Variants in GDF1 observed in about 807,000 individuals in gnomAD.
GDF1 encodes the protein growth differentiation factor 1.
GDF1 carries 8 observed loss-of-function variants against 7.4 expected under a neutral mutation model. The ratio of observed to expected loss-of-function variants is 1.09; its 90% CI spans 0.64 to 1.96. The LOEUF is 1.96. Ranked by LOEUF, GDF1 falls within the 30% of genes most tolerant of loss-of-function variation. The pLI is 0.00. For missense variants in GDF1, 574 were observed against 551.5 expected (o/e 1.04, Z -0.41); for synonymous variants, 311 against 276.7 (o/e 1.12, Z -1.23).
rs2056110764 is a variant in GDF1, at chr19:18,878,638, C to G, written c.-313+292G>C. ...ACCCACAGGGCCCTGGCTCGCCACT[C>G]CCGCCACACCAGCCACTAGGCCTGG... On this transcript the variant is annotated intron_variant, in intron 6 of 7. Coordinates refer to ENST00000247005, the MANE Select transcript of GDF1 (RefSeq NM_001492.6). The surrounding 1 kb of genome is among the most constrained non-coding windows in gnomAD (Gnocchi z 4.6). 2.4e-6 allele frequency: 3 copies of G among 1,226,754 alleles called. No homozygotes were observed. The highest frequency in any genetic ancestry group is 1.0e-6 in the Non-Finnish European group (1 of 972,958). 76.0% of individuals were successfully genotyped at this position (1,226,754 alleles called of 1,614,324 possible).
intron 6 of GDF1, among the ~76,000 whole-genome samples, chr19:18,873,575 T>C (rs573210105): frequency 1.3e-5 from 2 of 151,928 alleles, no homozygotes; most frequent in South Asian, 4.2e-4. Flanking sequence ...TGGTGGCTGA[T>C]ACCTGTAATC....
intron 6 of GDF1, among the ~76,000 whole-genome samples, chr19:18,871,548 G>A (rs755120574): frequency 1.1e-4 from 16 of 152,094 alleles, no homozygotes; most frequent in Non-Finnish European, 2.2e-4. Flanking sequence ...ATTGTTTGTT[G>A]AGATGAGGTC....
In GDF1 at chr19:18,869,246, G is replaced by C. The variant is rs1375718300; in HGVS notation, c.470C>G (p.Ala157Gly). The C allele has an allele frequency of 1.5e-6, 2 of 1,357,424 alleles. No individual in the cohort carries two copies. The highest frequency in any genetic ancestry group is 1.9e-6 in the Non-Finnish European group (2 of 1,056,190). The allele number at this position is 1,357,424 out of a possible 1,614,324, so 84.1% of individuals were successfully genotyped here. A position where few individuals can be genotyped will look rare whatever the true frequency, so the allele number is the denominator to read the frequency against. ...LELRFAAAAA[A>G]APEGGWELSV... ...CAGCTCCCAGCCGCCCTCCGGGGCT[G>C]CCGCCGCCGCCGCCGCGAAACGCAG... The change falls in exon 8 of 8, where the codon GCA becomes GGA. Residue 157 changes from alanine (A) to glycine (G), a missense_variant. Ala to Gly is a moderately conservative substitution (Grantham distance 60, BLOSUM62 0). Transcript: ENST00000247005.
At chr19:18,875,668 C>T (rs770044646) in intron 6 of GDF1, among the ~76,000 whole-genome samples, 6 of 152,124 alleles carry the variant, frequency 3.9e-5, no homozygotes, top group Non-Finnish European at 7.3e-5. Flanking sequence ...TTTGTGGCCA[C>T]GTTCCTTAAT....
Position 18,870,028 on chromosome 19 carries a change from C to G in GDF1, c.280G>C (p.Glu94Gln). 1 of 1,597,372 alleles carries G rather than the reference C, an allele frequency of 6.3e-7. No homozygotes were observed. Among genetic ancestry groups the G allele is most frequent in the Non-Finnish European group, 8.5e-7 (1 of 1,174,434 alleles). ...ACGATGTTTCCGGCGACCCCCAGCT[C>G]CTCCACGTGGCACGGTTGCAGGGTG... ...GVTLQPCHVE[E>Q]LGVAGNIVRH... Residue 94 changes from glutamate (E) to glutamine (Q), a missense_variant, in exon 7 of 8, where the codon GAG becomes CAG. By Grantham distance (29) the Glu-to-Gln change is conservative. Transcript: ENST00000247005. This position sits in a 1 kb window ranked among gnomAD's most constrained non-coding sequence, Gnocchi z 5.1.
chr19:18,880,691 G>A (rs918271018), intron 3 of GDF1, among the ~76,000 whole-genome samples: 3 of 151,744 alleles, frequency 2.0e-5, no homozygotes, highest in Non-Finnish European at 4.4e-5. Flanking sequence ...GGCCCAGGGA[G>A]CTCCCTGGAA....
intron 6 of GDF1, among the ~76,000 whole-genome samples, chr19:18,875,529 C>T (rs1193315947): frequency 1.3e-5 from 2 of 148,160 alleles, no homozygotes; most frequent in East Asian, 3.9e-4. Flanking sequence ...GGCGACAGAG[C>T]GAGACACTGT....
At chr19:18,874,187 A>G (rs2056022714) in intron 6 of GDF1, among the ~76,000 whole-genome samples, 1 of 152,172 alleles carries the variant, frequency 6.6e-6, no homozygotes, top group Non-Finnish European at 1.5e-5. Flanking sequence ...TCTTGGGGAC[A>G]TGTTGGCCAG....
chr19:18,879,104 C>A, intron 5 of GDF1, 65 bp from the exon 6 acceptor site: 1 of 1,594,454 alleles, frequency 6.3e-7, no homozygotes, highest in Non-Finnish European at 8.5e-7. Context: ...TGCTGACAGC[C>A]ATGTGCTCCT....
chr19:18,883,794 G>A (rs1002915590), intron 3 of GDF1, among the ~76,000 whole-genome samples: 2 of 152,104 alleles, frequency 1.3e-5, no homozygotes, highest in South Asian at 2.1e-4. Context: ...CAAGGGCAGC[G>A]TCTGAAGAGC....
chr19:18,888,676 CA>C (rs1432759984), intron 2 of GDF1, among the ~76,000 whole-genome samples: 3 of 148,550 alleles, frequency 2.0e-5, no homozygotes, highest in African/African-American at 7.5e-5. Flanking sequence ...ACTAAAAATA[CA>C]AAATTAGCCG....
chr19:18,868,805 A>G lies in GDF1; in HGVS notation c.911T>C (p.Val304Ala), dbSNP rs1208767118. ...CGGCCCCCCGGACCCCGACAGCGCGACGGGCAGCGCGCACTGACCCTGGCA... is the reference window on the plus strand; with the variant it reads ...CGGCCCCCCGGACCCCGACAGCGCGGCGGGCAGCGCGCACTGACCCTGGCA... ...NYCQGQCALP[V>A]ALSGSGGPPA... Residue 304 changes from valine to alanine, a missense_variant, in exon 8 of 8, where the codon GTC (valine) becomes GCC (alanine). Val to Ala is a moderately conservative substitution (Grantham distance 64). Transcript: ENST00000247005. 4 of 1,456,088 alleles carry G rather than the reference A, an allele frequency of 2.7e-6. No individual in the cohort carries two copies. The highest frequency in any genetic ancestry group is 3.0e-5 in the African/African-American group (2 of 66,902). 90.2% of individuals were successfully genotyped at this position (1,456,088 alleles called of 1,614,324 possible). A position where few individuals can be genotyped will look rare whatever the true frequency, so the allele number is the denominator to read the frequency against.
intron 2 of GDF1, among the ~76,000 whole-genome samples, chr19:18,885,519 T>TTG (rs1189881815): frequency 7.6e-5 from 11 of 144,676 alleles, no homozygotes; most frequent in African/African-American, 2.9e-4. Flanking sequence ...TCGTTTTTTT[T>TTG]TTTTTTTTTT....
chr19:18,883,144 A>G (rs1277908824), intron 3 of GDF1: 1 of 152,190 alleles, frequency 6.6e-6, no homozygotes, highest in Non-Finnish European at 1.5e-5. Flanking sequence ...AAGTCTAATT[A>G]AAGTTGAAAG....
chr19:18,875,474 C>G (rs1263670710), intron 6 of GDF1, among the ~76,000 whole-genome samples: 39 of 148,390 alleles, frequency 2.6e-4, no homozygotes, highest in Non-Finnish European at 4.4e-5. Context: ...ACCTGGGAGG[C>G]GGAGGTTGCA....
At position 18,893,450 on chromosome 19, in the gene GDF1, G is replaced by A. The variant is rs1178970608; in HGVS notation, c.-948C>T. ...CAGATGGTGGGTCATGGAAGAAGGG[G>A]TAGTCGGTGCCAAACAGCAGGTAGG... On this transcript the variant is annotated 5_prime_UTR_variant, in exon 2 of 8. Transcript: ENST00000247005. 1 of 1,606,334 alleles carries A rather than the reference G, an allele frequency of 6.2e-7. No individual in the cohort carries two copies. Among genetic ancestry groups the A allele is most frequent in the South Asian group, 1.1e-5 (1 of 89,492 alleles).
intron 2 of GDF1, among the ~76,000 whole-genome samples, chr19:18,886,353 T>G (rs911105921): frequency 4.6e-5 from 7 of 152,006 alleles, no homozygotes; most frequent in Non-Finnish European, 8.8e-5. Context: ...ATCAAGACCA[T>G]CCTGGTTAAC....
chr19:18,871,538 ATTG>A (rs2055971137), intron 6 of GDF1, among the ~76,000 whole-genome samples: 1 of 151,904 alleles, frequency 6.6e-6, no homozygotes, highest in African/African-American at 2.4e-5. Context: ...AACTTTTTTT[ATTG>A]TTTGTTGAGA....
intron 6 of GDF1, among the ~76,000 whole-genome samples, chr19:18,872,979 T>C (rs2056001729): frequency 6.6e-6 from 1 of 152,200 alleles, no homozygotes; most frequent in African/African-American, 2.4e-5. Flanking sequence ...GGACACCTTT[T>C]GGCTTCTATC....
Sources: gnomAD v4.1 joint callset for allele counts (sites outside exome capture counted in the v4.1 genomes callset) on GRCh38, gnomAD v4.1.1 for gene constraint, Gnocchi (gnomAD v3.1) non-coding constraint, MANE v1.5 for transcripts, NCBI Gene and HGNC (gene_info 2026-07-23, HGNC 2026-07-21) for gene names.